The following PCNX2 variants were observed in gnomAD, a reference collection of about 807,000 sequenced individuals.
The protein encoded by PCNX2 is pecanex 2.
In PCNX2, 168 loss-of-function variants were observed where a neutral mutation model predicts 223.8. The observed-to-expected ratio is 0.75, with a 90% confidence interval of 0.66 to 0.85. PCNX2 has a LOEUF of 0.85. Ranked by LOEUF, PCNX2 falls within the 40% of genes least tolerant of loss-of-function variation. PCNX2 has a pLI of 0.00. For missense variants in PCNX2, 2,507 were observed against 2,675.5 expected (o/e 0.94, Z 1.39); for synonymous variants, 1,006 against 1,052.6 (o/e 0.96, Z 0.86).
At chr1:233,163,945 T>C (rs1018047100) in intron 17 of PCNX2, among the ~76,000 whole-genome samples, 1 of 152,164 alleles carries the variant, frequency 6.6e-6, no homozygotes, top group Non-Finnish European at 1.5e-5. Context: ...CACCTGTGGG[T>C]AGATGTTTGA....
intron 21 of PCNX2, among the ~76,000 whole-genome samples, chr1:233,134,510 G>A (rs2102765633): frequency 6.6e-6 from 1 of 152,162 alleles, no homozygotes; most frequent in Admixed American, 6.5e-5. Context: ...TTGGGTACCA[G>A]TTCCTTAAAT....
intron 17 of PCNX2, among the ~76,000 whole-genome samples, chr1:233,167,028 C>G (rs1678839230): frequency 6.6e-6 from 1 of 152,118 alleles, no homozygotes; most frequent in Non-Finnish European, 1.5e-5. Flanking sequence ...CCCCAGCAAC[C>G]TCTCTTCTAG....
At chr1:233,081,876 T>C (rs1272847237) in intron 23 of PCNX2, among the ~76,000 whole-genome samples, 1 of 152,214 alleles carries the variant, frequency 6.6e-6, no homozygotes, top group Non-Finnish European at 1.5e-5. Flanking sequence ...CTCGGGGCTC[T>C]GAGCTGCAGC....
intron 21 of PCNX2, among the ~76,000 whole-genome samples, chr1:233,099,758 G>C (rs188375105): frequency 1.3e-5 from 2 of 152,230 alleles, no homozygotes; most frequent in African/African-American, 4.8e-5. Context: ...AGTATATGAA[G>C]AGGGACCTCC....
At chr1:233,059,788 T>A (rs550275238) in intron 23 of PCNX2, among the ~76,000 whole-genome samples, 1 of 152,330 alleles carries the variant, frequency 6.6e-6, no homozygotes, top group Admixed American at 6.5e-5. Flanking sequence ...GTGGCTTATG[T>A]TTAAACATGA....
chr1:233,103,939 G>A (rs919467355), intron 21 of PCNX2, among the ~76,000 whole-genome samples: 1 of 152,078 alleles, frequency 6.6e-6, no homozygotes, highest in African/African-American at 2.4e-5. Context: ...ATCCTCACCA[G>A]CATTTGTTAT....
intron 19 of PCNX2, among the ~76,000 whole-genome samples, chr1:233,154,034 A>G (rs188552510): frequency 6.6e-6 from 1 of 152,258 alleles, no homozygotes; most frequent in East Asian, 1.9e-4. Flanking sequence ...GGATTTTTTT[A>G]AATTACAATT....
chr1:233,150,150 G>C (rs891420806), intron 19 of PCNX2, among the ~76,000 whole-genome samples: 4 of 152,102 alleles, frequency 2.6e-5, no homozygotes, highest in African/African-American at 7.2e-5. Flanking sequence ...GTCCATAGTG[G>C]CCACTCAGGA....
the PCNX2 span, among the ~76,000 whole-genome samples, chr1:233,306,011 C>G: frequency 1.6e-4 from 24 of 152,148 alleles, no homozygotes; most frequent in Admixed American, 2.6e-4. Flanking sequence ...AGAAAAGACA[C>G]ACTTTAGATT....
chr1:233,258,939 A>C lies in PCNX2; in HGVS notation c.923T>G (p.Leu308Arg). ...RVQSKSPQDSLSSSCPQCDTI... is the reference protein window; with the variant it reads ...RVQSKSPQDSRSSSCPQCDTI... ...GTCACATTGAGGGCAGCTGCTGCTC[A>C]GGCTGTCCTGAGGTGACTTGCTTTG... The change falls in exon 5 of 34, where the codon CTG becomes CGG. Residue 308 changes from leucine to arginine, a missense_variant. Coordinates refer to ENST00000258229, the MANE Select transcript of PCNX2 (RefSeq NM_014801.4). 4.3e-6 allele frequency: 7 copies of C among 1,613,956 alleles called. No individual in the cohort carries two copies. The highest frequency in any genetic ancestry group is 4.2e-6 in the Non-Finnish European group (5 of 1,179,876).
At chr1:233,287,561 G>C (rs1452325937) in intron 1 of PCNX2, among the ~76,000 whole-genome samples, 1 of 152,158 alleles carries the variant, frequency 6.6e-6, no homozygotes, top group African/African-American at 2.4e-5. Flanking sequence ...ACGTGACTTT[G>C]CTCCTCATTT....
intron 26 of PCNX2, among the ~76,000 whole-genome samples, chr1:233,022,028 G>T (rs932415784): frequency 3.3e-5 from 5 of 152,094 alleles, no homozygotes; most frequent in Admixed American, 6.5e-5. Context: ...CCCAGACAGG[G>T]CATCTCACTC....
In PCNX2 at chr1:233,054,418, G is replaced by A. The variant is rs1672115310; in HGVS notation, c.4201C>T (p.Leu1401Phe). The change falls in exon 25 of 34, where the codon CTC becomes TTC. Residue 1401 changes from leucine to phenylalanine, a missense_variant. This residue lies in a region of PCNX2 where 1,372 missense variants were observed against 1,509.4 expected (regional missense o/e 0.91). Transcript: ENST00000258229. ...EHLTRTLQES[L>F]CGDLVLGRWG... Reference sequence around the variant, plus strand: ...CGTCCAAGAACTAAGTCTCCACAGAGGGACTCCTGGAGGGTCCTTGTCAAG... The same window carrying A: ...CGTCCAAGAACTAAGTCTCCACAGAAGGACTCCTGGAGGGTCCTTGTCAAG... The A allele has an allele frequency of 2.5e-6, 4 of 1,613,762 alleles. No homozygotes were observed. Among genetic ancestry groups the A allele is most frequent in the Admixed American group, 1.7e-5 (1 of 59,990 alleles).
At chr1:233,234,742 C>A (rs541662641) in intron 9 of PCNX2, among the ~76,000 whole-genome samples, 3 of 152,264 alleles carry the variant, frequency 2.0e-5, no homozygotes, top group South Asian at 2.1e-4. Flanking sequence ...TTTCATGGAA[C>A]CTTCTTGAAG....
intron 20 of PCNX2, among the ~76,000 whole-genome samples, chr1:233,136,957 T>C (rs1295055537): frequency 6.6e-6 from 1 of 152,212 alleles, no homozygotes; most frequent in Non-Finnish European, 1.5e-5. Flanking sequence ...GCATCCATTT[T>C]ATGTTTAGTA....
intron 25 of PCNX2, among the ~76,000 whole-genome samples, chr1:233,051,673 C>T (rs1036897512): frequency 2.6e-5 from 4 of 152,156 alleles, no homozygotes; most frequent in African/African-American, 9.6e-5. Context: ...CAGAAGGCAA[C>T]AATAGACACT....
At chr1:233,147,405 G>A (rs1260257850) in intron 19 of PCNX2, among the ~76,000 whole-genome samples, 1 of 152,098 alleles carries the variant, frequency 6.6e-6, no homozygotes, top group Non-Finnish European at 1.5e-5. Flanking sequence ...TTCATTAAGT[G>A]GAAGTGGATC....
intron 7 of PCNX2, 38 bp downstream of exon 7, chr1:233,252,316 C>T: frequency 6.4e-7 from 1 of 1,572,420 alleles, no homozygotes; most frequent in Admixed American, 1.8e-5. Flanking sequence ...TGACAGTTTT[C>T]CCTGCTTGTT....
At chr1:233,172,354 C>A in intron 17 of PCNX2, 1 of 985,328 alleles carries the variant, frequency 1.0e-6, no homozygotes, top group Non-Finnish European at 1.2e-6. Context: ...TTGGGTACCA[C>A]GTTAAATGTC....
Sources: allele counts gnomAD v4.1 joint callset (sites outside exome capture counted in the v4.1 genomes callset), GRCh38; gene constraint gnomAD v4.1.1; regional missense constraint gnomAD v4.1.1; transcripts MANE v1.5; gene names NCBI Gene and HGNC (gene_info 2026-07-23, HGNC 2026-07-21).